The following TMEM117 variants were observed in gnomAD, a reference collection of about 807,000 sequenced individuals.
TMEM117 encodes the protein transmembrane protein 117.
TMEM117 carries 27 observed loss-of-function variants against 52.4 expected under a neutral mutation model. The observed-to-expected ratio is 0.51, with a 90% confidence interval of 0.38 to 0.71. The LOEUF is 0.71. Among genes scored for constraint, TMEM117 ranks in the 30% least tolerant of loss-of-function variants. TMEM117 has a pLI of 0.00. For synonymous variants in TMEM117, 215 were observed against 206.3 expected, an observed-to-expected ratio of 1.04 and a Z score of -0.36; for missense variants, 556 against 630.5, an observed-to-expected ratio of 0.88 and a Z score of 1.26.
chr12:43,972,101 G>A (rs1455110773), intron 3 of TMEM117, among the ~76,000 whole-genome samples: 1 of 152,236 alleles, frequency 6.6e-6, no homozygotes, highest in East Asian at 1.9e-4. Context: ...AATAGGCACA[G>A]CTGAAGGCAA....
intron 5 of TMEM117, among the ~76,000 whole-genome samples, chr12:44,217,558 C>T (rs1390070085): frequency 1.3e-5 from 2 of 152,126 alleles, no homozygotes; most frequent in Admixed American, 6.6e-5. Context: ...AATATATTGA[C>T]GGTTGAAATG....
intron 3 of TMEM117, among the ~76,000 whole-genome samples, chr12:44,000,495 G>A (rs1946098967): frequency 6.6e-6 from 1 of 152,066 alleles, no homozygotes; most frequent in South Asian, 2.1e-4. Context: ...TGACTTGTAG[G>A]GGCTGAGGAG....
rs147186370 is a variant in TMEM117 at position 43,888,543 on chromosome 12, CTTTTTTTTTTT to C, written c.277+43627_277+43637del. ...GTGTACTTTTGTGCACATTAGTTTT[CTTTTTTTTTTT>C]TTTTTTTTTTTGAGATGGAGTCTTG... is the stretch of plus-strand genomic sequence containing the variant. On this transcript the variant is annotated intron_variant, in intron 2 of 7. Transcript: ENST00000266534. 1.2e-4 allele frequency among the ~76,000 whole-genome samples: 11 copies of C among 92,206 alleles called. No individual in the cohort carries two copies. The East Asian group carries it at 2.0e-3, about 17-fold the overall frequency. The allele number at this position is 92,206 out of a possible 152,430, so 60.5% of individuals were successfully genotyped here. A position where few individuals can be genotyped will look rare whatever the true frequency, so the allele number is the denominator to read the frequency against.
intron 3 of TMEM117, among the ~76,000 whole-genome samples, chr12:44,029,478 G>A (rs763112375): frequency 3.9e-5 from 6 of 152,090 alleles, no homozygotes; most frequent in Non-Finnish European, 8.8e-5. Context: ...AGAGCTATTA[G>A]GACTGCTGGA....
intron 4 of TMEM117, among the ~76,000 whole-genome samples, chr12:44,197,103 T>C (rs1476929726): frequency 5.3e-5 from 8 of 152,166 alleles, no homozygotes; most frequent in Admixed American, 1.3e-4. Flanking sequence ...CTCTTTTGGC[T>C]CCATCATTAG....
chr12:44,284,224 C>A (rs1048499990), intron 5 of TMEM117, among the ~76,000 whole-genome samples: 5 of 151,986 alleles, frequency 3.3e-5, no homozygotes, highest in Non-Finnish European at 5.9e-5. Flanking sequence ...AGGCAGGAGA[C>A]TTGCTTGAAC....
intron 5 of TMEM117, among the ~76,000 whole-genome samples, chr12:44,293,749 T>C (rs929743350): frequency 3.1e-4 from 47 of 152,164 alleles, no homozygotes; most frequent in Admixed American, 3.1e-3. Context: ...TCTCTTTATA[T>C]TGTATATCTT....
At chr12:44,355,488 G>A (rs183079677) in intron 6 of TMEM117, among the ~76,000 whole-genome samples, 29 of 152,118 alleles carry the variant, frequency 1.9e-4, no homozygotes, top group African/African-American at 6.7e-4. Flanking sequence ...CTTAGAGGAT[G>A]GGCCTGCCAG....
intron 4 of TMEM117, among the ~76,000 whole-genome samples, chr12:44,148,234 T>C (rs1592557819): frequency 6.6e-6 from 1 of 152,252 alleles, no homozygotes; most frequent in East Asian, 1.9e-4. Context: ...TGACCGTCTG[T>C]TTATAAAATT....
intron 2 of TMEM117, among the ~76,000 whole-genome samples, chr12:43,849,721 A>T (rs751925233): frequency 1.3e-5 from 2 of 151,996 alleles, no homozygotes; most frequent in Non-Finnish European, 2.9e-5. Context: ...CTTACTAAAA[A>T]CCTATGAAAT....
chr12:43,814,556 A>G, the TMEM117 span, among the ~76,000 whole-genome samples: 2 of 152,042 alleles, frequency 1.3e-5, no homozygotes, highest in African/African-American at 4.8e-5. Flanking sequence ...TTGCCAGGTA[A>G]CTGGAAGCCA....
At chr12:43,800,629 A>C in the TMEM117 span, 38 of 899,100 alleles carry the variant, frequency 4.2e-5, no homozygotes, top group Admixed American at 7.9e-4. Context: ...TCACATTAAA[A>C]ACAAAACTGA....
At chr12:44,014,933 C>T (rs1445235279) in intron 3 of TMEM117, among the ~76,000 whole-genome samples, 1 of 151,980 alleles carries the variant, frequency 6.6e-6, no homozygotes, top group East Asian at 1.9e-4. Flanking sequence ...TGCATCTAGC[C>T]TGAGAACAGC....
At chr12:44,184,048 T>G (rs1949242359) in intron 4 of TMEM117, among the ~76,000 whole-genome samples, 1 of 152,092 alleles carries the variant, frequency 6.6e-6, no homozygotes, top group Non-Finnish European at 1.5e-5. Flanking sequence ...CAGCTGACCT[T>G]AAAGCAGAGA....
At chr12:43,984,364 T>TTAC (rs1555190445) in intron 3 of TMEM117, among the ~76,000 whole-genome samples, 1 of 145,994 alleles carries the variant, frequency 6.8e-6, no homozygotes, top group Non-Finnish European at 1.5e-5. Context: ...TGAGACTCCG[T>TTAC]AACAACAACA....
At chr12:44,298,214 A>T (rs1565686156) in intron 5 of TMEM117, among the ~76,000 whole-genome samples, 1 of 150,932 alleles carries the variant, frequency 6.6e-6, no homozygotes, top group East Asian at 1.9e-4. Context: ...TACAATTGAA[A>T]AGAGAATTCT....
intron 5 of TMEM117, among the ~76,000 whole-genome samples, chr12:44,261,118 T>A (rs557725419): frequency 6.7e-6 from 1 of 150,372 alleles, no homozygotes; most frequent in East Asian, 1.9e-4. Context: ...TCTTAAAACA[T>A]TTTTTTAAAA....
chr12:43,865,381 C>T (rs1477763518), intron 2 of TMEM117, among the ~76,000 whole-genome samples: 1 of 152,142 alleles, frequency 6.6e-6, no homozygotes, highest in Non-Finnish European at 1.5e-5. Context: ...ATAGGAGTTG[C>T]CGCAGGATTG....
At chr12:44,168,844 A>G (rs143947245) in intron 4 of TMEM117, among the ~76,000 whole-genome samples, 2 of 152,330 alleles carry the variant, frequency 1.3e-5, no homozygotes, top group East Asian at 3.9e-4. Context: ...ACTCTGTTTC[A>G]TAACAATAAT....
Sources: gnomAD v4.1 joint callset for allele counts (sites outside exome capture counted in the v4.1 genomes callset) on GRCh38, gnomAD v4.1.1 for gene constraint, MANE v1.5 for transcripts, NCBI Gene and HGNC (gene_info 2026-07-23, HGNC 2026-07-21) for gene names.